The following TLR2 variants were observed in gnomAD, a reference collection of about 807,000 sequenced individuals.
The protein encoded by TLR2 is toll-like receptor 2.
A neutral mutation model predicts 9.1 loss-of-function variants in TLR2; 7 were observed. The observed-to-expected ratio is 0.77, with a 90% CI of 0.44 to 1.44. The LOEUF (loss-of-function observed/expected upper bound fraction) is 1.44, where lower values mean the gene tolerates loss of function less well. TLR2 is among the 40% of genes most tolerant of loss of function. TLR2 has a pLI of 0.01. For missense variants in TLR2, 812 were observed against 904.6 expected (o/e 0.90, Z 1.31); for synonymous variants, 317 against 344.6 (o/e 0.92, Z 0.89).
downstream of TLR2, among the ~76,000 whole-genome samples, chr4:153,706,426 T>C (rs1737332778): frequency 6.6e-6 from 1 of 152,224 alleles, no homozygotes. Flanking sequence ...TAAAAAAGCC[T>C]GCCCTTTTTC....
At chr4:153,692,157 G>A (rs1560739370) in intron 2 of TLR2, among the ~76,000 whole-genome samples, 2 of 152,134 alleles carry the variant, frequency 1.3e-5, no homozygotes, top group East Asian at 3.8e-4. Flanking sequence ...ACAGTTCACA[G>A]CCTTGCTCAG....
Position 153,706,154 on chromosome 4 carries a change from C to T in TLR2, c.*892C>T, listed in dbSNP as rs1228005013. Reference sequence around the variant, plus strand: ...TTTCTGGCTATTAGATAGGTTTCTCCAGCCATAGTTACTTGAGAGAGTGAG... The same window carrying T: ...TTTCTGGCTATTAGATAGGTTTCTCTAGCCATAGTTACTTGAGAGAGTGAG... On this transcript the variant is annotated 3_prime_UTR_variant, in exon 3 of 3. Coordinates refer to ENST00000642700, the MANE Select transcript of TLR2 (RefSeq NM_001318789.2). Among the ~76,000 whole-genome samples, 1 of 152,190 alleles carries T rather than the reference C, an allele frequency of 6.6e-6. No homozygotes were observed. Among genetic ancestry groups the T allele is most frequent in the East Asian group, 1.9e-4 (1 of 5,206 alleles).
rs1421829577 is a variant in TLR2 at position 153,704,172 on chromosome 4, A to G, written c.1265A>G (p.Lys422Arg). ...LKNLTNIDIS[K>R]NSFHSMPETC... ...AACTTGACTAACATTGATATCAGTA[A>G]GAATAGTTTTCATTCTATGCCTGAA... The change falls in exon 3 of 3, where the codon AAG becomes AGG. Residue 422 changes from lysine (K) to arginine (R), a missense_variant. By Grantham distance (26) the Lys-to-Arg change is conservative (BLOSUM62 2). Transcript: ENST00000642700. 1 of 1,613,912 alleles carries G rather than the reference A, an allele frequency of 6.2e-7. No individual in the cohort carries two copies. Among genetic ancestry groups the G allele is most frequent in the Non-Finnish European group, 8.5e-7 (1 of 1,179,974 alleles).
At chr4:153,693,856 T>C (rs1185871606) in intron 2 of TLR2, among the ~76,000 whole-genome samples, 1 of 152,118 alleles carries the variant, frequency 6.6e-6, no homozygotes, top group Non-Finnish European at 1.5e-5. Flanking sequence ...TTGTTCCACG[T>C]TTTCCAACCA....
At position 153,703,441 on chromosome 4, in the gene TLR2, A is replaced by G. The variant is rs1737072512; in HGVS notation, c.534A>G (p.Glu178=). 3.1e-6 allele frequency: 5 copies of G among 1,613,864 alleles called. No homozygotes were observed. The highest frequency in any genetic ancestry group is 2.7e-5 in the African/African-American group (2 of 74,916). The change falls in exon 3 of 3, where the codon GAA becomes GAG. Residue 178 remains glutamate, a synonymous_variant. Coordinates refer to ENST00000642700, the MANE Select transcript of TLR2 (RefSeq NM_001318789.2). The stretch of plus-strand genomic sequence containing the variant: ...TTGCTGGACTTACCTTCCTTGAGGA[A>G]CTTGAGATTGATGCTTCAGATCTAC... ...KDFAGLTFLE[E]LEIDASDLQS...
chr4:153,693,798 C>A (rs1022217112), intron 2 of TLR2, among the ~76,000 whole-genome samples: 1 of 152,202 alleles, frequency 6.6e-6, no homozygotes, highest in Non-Finnish European at 1.5e-5. Context: ...AGCTCCCCTT[C>A]TTACTCACCA....
At chr4:153,707,002 G>T (rs1004160420), downstream of TLR2, among the ~76,000 whole-genome samples, 11 of 152,128 alleles carry the variant, frequency 7.2e-5, no homozygotes, top group East Asian at 3.9e-4. Flanking sequence ...GTGGGGTGAG[G>T]GTGATGTCTG....
chr4:153,691,136 C>A (rs1475171702), intron 2 of TLR2, among the ~76,000 whole-genome samples: 1 of 152,186 alleles, frequency 6.6e-6, no homozygotes, highest in East Asian at 1.9e-4. Flanking sequence ...GAATAAGAGG[C>A]TTTACCATTA....
chr4:153,707,474 C>G (rs62323858), downstream of TLR2, among the ~76,000 whole-genome samples: 1 of 150,382 alleles, frequency 6.6e-6, no homozygotes, highest in Non-Finnish European at 1.5e-5. Flanking sequence ...CACCTGAGCC[C>G]GGGAGGTCCA....
In TLR2 at chr4:153,704,719, C is replaced by T. The variant is rs773234095; in HGVS notation, c.1812C>T (p.Leu604=). ...MCCALFLLIL[L]TGVLCHRFHG... is the part of the protein sequence containing the mutation. ...GTGCTCTGTTCCTGCTGATCCTGCT[C>T]ACGGGGGTCCTGTGCCACCGTTTCC... The change falls in exon 3 of 3, where the codon CTC becomes CTT. Residue 604 remains leucine, a synonymous_variant. Coordinates refer to ENST00000642700, the MANE Select transcript of TLR2 (RefSeq NM_001318789.2). 5.6e-6 allele frequency: 9 copies of T among 1,613,928 alleles called. No homozygotes were observed. The highest frequency in any genetic ancestry group is 1.3e-5 in the African/African-American group (1 of 74,972).
downstream of TLR2, among the ~76,000 whole-genome samples, chr4:153,708,949 G>C (rs1443467296): frequency 6.6e-6 from 1 of 152,106 alleles, no homozygotes; most frequent in Admixed American, 6.5e-5. Context: ...GAGATGAGAG[G>C]AGTTTCTTAT....
At chr4:153,685,406 C>CA (rs1258287086) in intron 1 of TLR2, among the ~76,000 whole-genome samples, 1 of 152,116 alleles carries the variant, frequency 6.6e-6, no homozygotes, top group Non-Finnish European at 1.5e-5. Context: ...GTAGACAACT[C>CA]AAAGTTTGCT....
chr4:153,710,636 G>A (rs1347320681), downstream of TLR2: 2 of 710,458 alleles, frequency 2.8e-6, no homozygotes, highest in African/African-American at 3.6e-5. Context: ...CCCCTTATGT[G>A]AGTTTTATAG....
rs189193099 is a variant in TLR2 at position 153,704,518 on chromosome 4, C to T, written c.1611C>T (p.Cys537=). 3.8e-5 allele frequency: 61 copies of T among 1,613,976 alleles called. No homozygotes were observed. The African/African-American group carries it at 7.6e-4, about 20-fold the overall frequency. ...AAGCTGGTGGCAATAACTTCATTTG[C>T]TCCTGTGAATTCCTCTCCTTCACTC... The part of the protein sequence containing the change: ...TLEAGGNNFI[C]SCEFLSFTQE... The change falls in exon 3 of 3, where the codon TGC becomes TGT. Residue 537 remains cysteine, a synonymous_variant. Transcript: ENST00000642700.
chr4:153,688,862 G>T (rs1479358832), intron 2 of TLR2, among the ~76,000 whole-genome samples: 1 of 152,226 alleles, frequency 6.6e-6, no homozygotes, highest in Non-Finnish European at 1.5e-5. Flanking sequence ...AGGTTTGGGA[G>T]CCTGTTCCCA....
chr4:153,697,092 G>T (rs1696877848), intron 2 of TLR2, among the ~76,000 whole-genome samples: 1 of 152,032 alleles, frequency 6.6e-6, no homozygotes, highest in Non-Finnish European at 1.5e-5. Flanking sequence ...AAACTGAATG[G>T]ATATAAGAAA....
intron 2 of TLR2, among the ~76,000 whole-genome samples, chr4:153,697,207 GAA>G (rs1182326624): frequency 6.6e-6 from 1 of 151,950 alleles, no homozygotes; most frequent in African/African-American, 2.4e-5. Context: ...AATTGAGCAT[GAA>G]TATCAAAAAC....
At chr4:153,687,560 G>A (rs1181817639) in intron 1 of TLR2, among the ~76,000 whole-genome samples, 1 of 151,218 alleles carries the variant, frequency 6.6e-6, no homozygotes, top group Non-Finnish European at 1.5e-5. Flanking sequence ...ACCTAATTTA[G>A]TATACTACAT....
At position 153,702,872 on chromosome 4, in the gene TLR2, T is replaced by C; in HGVS notation, c.-16-20T>C. ...ATGCTGTCAAACACAATGACTTATT[T>C]GAACCTCTTTTATTTGTAGGTTGAA... is the stretch of plus-strand genomic sequence containing the variant. On this transcript the variant is annotated intron_variant, in intron 2 of 2. Transcript: ENST00000642700. 1 of 1,555,958 alleles carries C rather than the reference T, an allele frequency of 6.4e-7. No homozygotes were observed. The highest frequency in any genetic ancestry group is 1.2e-5 in the South Asian group (1 of 82,662).
Sources: gnomAD v4.1 joint callset for allele counts (sites outside exome capture counted in the v4.1 genomes callset) on GRCh38, gnomAD v4.1.1 for gene constraint, MANE v1.5 for transcripts, NCBI Gene and HGNC (gene_info 2026-07-23, HGNC 2026-07-21) for gene names.